Variants in SKAP1 observed in about 807,000 individuals in gnomAD.
SKAP1 encodes src kinase-associated phosphoprotein 1.
Under a neutral mutation model 58.5 loss-of-function variants are expected in SKAP1, and 44 were observed. The ratio of observed to expected loss-of-function variants is 0.75; its 90% confidence interval spans 0.59 to 0.97. The LOEUF is 0.97. Among genes scored for constraint, SKAP1 ranks in the 50% least tolerant of loss-of-function variants. The pLI, the probability that SKAP1 is intolerant of heterozygous loss-of-function variation, is 0.00. For synonymous variants in SKAP1, 127 were observed against 149.7 expected (o/e 0.85, Z 1.11); for missense variants, 390 against 435.2 (o/e 0.90, Z 0.92).
Position 48,384,905 on chromosome 17 carries a change from T to C in SKAP1, c.152+11775A>G, listed in dbSNP as rs548649401. Reference sequence around the variant, plus strand: ...ATGCACAGGGGAAGCTGTGGAGCTATGGACATGCATGTAACTGCCTCCTAA... The same window carrying C: ...ATGCACAGGGGAAGCTGTGGAGCTACGGACATGCATGTAACTGCCTCCTAA... On this transcript the variant is annotated intron_variant, in intron 2 of 12. Transcript: ENST00000336915. 3.7e-4 allele frequency among the ~76,000 whole-genome samples: 57 copies of C among 152,184 alleles called. 1 individual carries two copies. Among genetic ancestry groups the C allele is most frequent in the Admixed American group, 6.5e-4 (10 of 15,278 alleles).
chr17:48,341,049 A>G (rs1176126768), intron 4 of SKAP1, among the ~76,000 whole-genome samples: 1 of 152,216 alleles, frequency 6.6e-6, no homozygotes, highest in East Asian at 1.9e-4. Context: ...CAAGTCAATT[A>G]ATTTCTCTAA....
intron 4 of SKAP1, among the ~76,000 whole-genome samples, chr17:48,212,915 T>C (rs895835795): frequency 2.0e-5 from 3 of 152,202 alleles, no homozygotes; most frequent in Non-Finnish European, 4.4e-5. Context: ...AGTGGGTTGA[T>C]TGGCGTGCAG....
chr17:48,180,342 T>C (rs2064352071), intron 8 of SKAP1, 94 bp from the exon 9 acceptor site: 1 of 892,944 alleles, frequency 1.1e-6, no homozygotes, highest in Admixed American at 3.0e-5. Flanking sequence ...GGGATGAGAG[T>C]AAAATATGTC....
At chr17:48,145,441 C>A (rs1006998945) in intron 11 of SKAP1, among the ~76,000 whole-genome samples, 4 of 150,748 alleles carry the variant, frequency 2.7e-5, no homozygotes, top group Non-Finnish European at 5.9e-5. Context: ...CCCTACCAAA[C>A]CTGCCATAAA....
chr17:48,181,433 A>G (rs914580811), intron 8 of SKAP1, among the ~76,000 whole-genome samples: 1 of 152,144 alleles, frequency 6.6e-6, no homozygotes, highest in Non-Finnish European at 1.5e-5. Context: ...ATCAATGTTC[A>G]TGTTTGCCTA....
At chr17:48,381,861 C>G (rs1414574695) in intron 2 of SKAP1, among the ~76,000 whole-genome samples, 1 of 152,130 alleles carries the variant, frequency 6.6e-6, no homozygotes, top group Non-Finnish European at 1.5e-5. Flanking sequence ...ATGCTTTGCA[C>G]ATAGTATATG....
At chr17:48,255,336 C>G (rs2065410992) in intron 4 of SKAP1, among the ~76,000 whole-genome samples, 1 of 151,716 alleles carries the variant, frequency 6.6e-6, no homozygotes. Flanking sequence ...TTTTGCACTG[C>G]TACTTATAGG....
chr17:48,205,613 T>C (rs2064800328), intron 4 of SKAP1, among the ~76,000 whole-genome samples: 1 of 152,166 alleles, frequency 6.6e-6, no homozygotes, highest in African/African-American at 2.4e-5. Context: ...ATCACAGTGA[T>C]ATTTCAGAAC....
chr17:48,253,581 G>C (rs1207771769), intron 4 of SKAP1, among the ~76,000 whole-genome samples: 2 of 152,138 alleles, frequency 1.3e-5, no homozygotes, highest in Non-Finnish European at 2.9e-5. Flanking sequence ...TACGGATTAG[G>C]ATGGCTACAG....
chr17:48,386,775 TC>T (rs1352331449), intron 2 of SKAP1, among the ~76,000 whole-genome samples: 5 of 152,226 alleles, frequency 3.3e-5, no homozygotes, highest in African/African-American at 7.2e-5. Context: ...AGGGGCTTTT[TC>T]TTCTAAGCAA....
intron 11 of SKAP1, among the ~76,000 whole-genome samples, chr17:48,156,945 T>C (rs921123578): frequency 2.6e-5 from 4 of 152,244 alleles, no homozygotes; most frequent in African/African-American, 9.6e-5. Flanking sequence ...AATAATTTAT[T>C]GAACTCCTAG....
intron 2 of SKAP1, chr17:48,382,714 G>C (rs112095153): frequency 6.6e-6 from 1 of 152,034 alleles, no homozygotes; most frequent in Non-Finnish European, 1.5e-5. Context: ...CTGTAATAGT[G>C]GTTCAAAAAA....
chr17:48,220,873 A>AAAAAAAG (rs2064996881), intron 4 of SKAP1, among the ~76,000 whole-genome samples: 2 of 91,744 alleles, frequency 2.2e-5, no homozygotes, highest in African/African-American at 7.3e-5. Context: ...AAAAAAAAAA[A>AAAAAAAG]AAAAGAAAAG....
At chr17:48,440,608 A>T in the SKAP1 span, among the ~76,000 whole-genome samples, 7 of 152,204 alleles carry the variant, frequency 4.6e-5, no homozygotes, top group Admixed American at 4.6e-4. Context: ...CTCCAAGGAG[A>T]AAATGCCTGG....
intron 11 of SKAP1, among the ~76,000 whole-genome samples, chr17:48,157,322 G>A (rs931320211): frequency 2.6e-5 from 4 of 151,640 alleles, no homozygotes; most frequent in Non-Finnish European, 5.9e-5. Context: ...TGCAACCTCT[G>A]CCTTCCAGGG....
chr17:48,275,844 C>T (rs1293315057), intron 4 of SKAP1, among the ~76,000 whole-genome samples: 1 of 152,188 alleles, frequency 6.6e-6, no homozygotes, highest in African/African-American at 2.4e-5. Flanking sequence ...AGGAAATATC[C>T]ATTTGGTCAA....
At chr17:48,384,358 T>C (rs192683351) in intron 2 of SKAP1, among the ~76,000 whole-genome samples, 18 of 152,166 alleles carry the variant, frequency 1.2e-4, no homozygotes, top group African/African-American at 3.6e-4. Flanking sequence ...TGAGTTCAGT[T>C]CCGGACATTC....
chr17:48,309,555 G>T (rs375979676), intron 4 of SKAP1, among the ~76,000 whole-genome samples: 3 of 151,180 alleles, frequency 2.0e-5, no homozygotes, highest in African/African-American at 7.3e-5. Flanking sequence ...ATAAGGAAGG[G>T]TCTCTATGCA....
At chr17:48,366,318 C>T (rs1361993874) in intron 2 of SKAP1, among the ~76,000 whole-genome samples, 1 of 151,508 alleles carries the variant, frequency 6.6e-6, no homozygotes, top group East Asian at 1.9e-4. Context: ...ACAATTTGTC[C>T]TTCCTTGTTC....
Sources: gnomAD v4.1 joint callset for allele counts (sites outside exome capture counted in the v4.1 genomes callset) on GRCh38, gnomAD v4.1.1 for gene constraint, MANE v1.5 for transcripts, NCBI Gene and HGNC (gene_info 2026-07-23, HGNC 2026-07-21) for gene names.